The following AFF3 variants were observed in gnomAD, a reference collection of about 807,000 sequenced individuals.
AFF3 encodes AF4/FMR2 family member 3.
A neutral mutation model predicts 129.7 loss-of-function variants in AFF3; 32 were observed. The ratio of observed to expected loss-of-function variants is 0.25; its 90% CI spans 0.19 to 0.33. The LOEUF (loss-of-function observed/expected upper bound fraction) is 0.33, where lower values mean the gene tolerates loss of function less well. Among genes scored for constraint, AFF3 ranks in the 10% least tolerant of loss-of-function variants. AFF3 has a pLI of 1.00. For missense variants in AFF3, 1,373 were observed against 1,592.0 expected, an observed-to-expected ratio of 0.86 and a Z score of 2.34; for synonymous variants, 644 against 635.4, an observed-to-expected ratio of 1.01 and a Z score of -0.20.
chr2:100,105,719 C>T (rs1691244498), intron 2 of AFF3, 136 bp from the exon 3 acceptor site: 2 of 1,361,780 alleles, frequency 1.5e-6, no homozygotes, highest in South Asian at 1.2e-5. Flanking sequence ...GGCCCTACCT[C>T]TGCTTCTCCA....
intron 9 of AFF3, among the ~76,000 whole-genome samples, chr2:99,746,971 G>GA (rs936999180): frequency 5.1e-4 from 77 of 150,768 alleles, no homozygotes; most frequent in South Asian, 4.2e-4. Context: ...AAAAAGAAAG[G>GA]AAAAAAAGAA....
intron 8 of AFF3, among the ~76,000 whole-genome samples, chr2:99,784,376 T>G (rs1189736601): frequency 1.3e-5 from 2 of 152,188 alleles, no homozygotes; most frequent in South Asian, 4.1e-4. Context: ...GCCAAACCTC[T>G]GCAGGCTCTA....
At chr2:100,047,858 GAAAC>G (rs1685963130) in intron 4 of AFF3, among the ~76,000 whole-genome samples, 2 of 152,152 alleles carry the variant, frequency 1.3e-5, no homozygotes, top group Admixed American at 1.3e-4. Context: ...TTTATTTGCA[GAAAC>G]AAACACTGAT....
intron 11 of AFF3, among the ~76,000 whole-genome samples, chr2:99,707,949 C>T (rs763534567): frequency 1.8e-4 from 27 of 151,928 alleles, no homozygotes; most frequent in Admixed American, 5.2e-4. Context: ...ATTTAAAGTC[C>T]GGTTGGTGGA....
intron 7 of AFF3, among the ~76,000 whole-genome samples, chr2:99,978,908 A>C (rs573563019): frequency 6.6e-6 from 1 of 151,296 alleles, no homozygotes; most frequent in Admixed American, 6.6e-5. Flanking sequence ...TATTGTTTAC[A>C]CATCACACAT....
intron 4 of AFF3, among the ~76,000 whole-genome samples, chr2:100,049,889 C>G (rs17437338): frequency 0.1 from 15,279 of 152,168 alleles, 1,085 homozygotes; most frequent in Non-Finnish European, 0.14. Context: ...TGAATGTAAG[C>G]TTTCTAGCAT....
intron 11 of AFF3, among the ~76,000 whole-genome samples, chr2:99,699,807 A>G (rs1676663696): frequency 6.6e-6 from 1 of 152,228 alleles, no homozygotes; most frequent in Middle Eastern, 3.2e-3. Flanking sequence ...GTTCAGAACC[A>G]TAATGGTTTC....
At chr2:99,638,789 T>C (rs1683913827) in intron 13 of AFF3, among the ~76,000 whole-genome samples, 1 of 152,222 alleles carries the variant, frequency 6.6e-6, no homozygotes, top group Non-Finnish European at 1.5e-5. Flanking sequence ...TTTTTAATTC[T>C]GGAAACATAC....
chr2:100,029,209 G>T (rs1002995875), intron 4 of AFF3, among the ~76,000 whole-genome samples: 1 of 152,194 alleles, frequency 6.6e-6, no homozygotes, highest in African/African-American at 2.4e-5. Context: ...CCCTAAAGAG[G>T]TGTTTAAGTT....
At chr2:99,774,181 A>G (rs1015717820) in intron 8 of AFF3, among the ~76,000 whole-genome samples, 1 of 152,238 alleles carries the variant, frequency 6.6e-6, no homozygotes, top group African/African-American at 2.4e-5. Flanking sequence ...TATAGATTCA[A>G]TGCTATTCCC....
intron 11 of AFF3, among the ~76,000 whole-genome samples, chr2:99,695,938 G>GAAAAAAAAAAAAAAAAAAAAAACAAAAA (rs1676196316): frequency 3.5e-5 from 2 of 57,648 alleles, no homozygotes; most frequent in Admixed American, 2.7e-4. Flanking sequence ...CTGGAAAAAT[G>GAAAAAAAAAAAAAAAAAAAAAACAAAAA]AAAAAAAAAA....
intron 11 of AFF3, among the ~76,000 whole-genome samples, chr2:99,703,399 G>A (rs377185294): frequency 6.6e-6 from 1 of 152,154 alleles, no homozygotes. Context: ...TTTTCTAGAA[G>A]TTCGAATGCA....
At position 100,142,538 on chromosome 2, in the gene AFF3, C is replaced by G. The variant is rs1395450774; in HGVS notation, c.-282G>C. 1.3e-5 allele frequency: 2 copies of G among 152,416 alleles called. No individual in the cohort carries two copies. The highest frequency in any genetic ancestry group is 4.8e-5 in the African/African-American group (2 of 41,476). 9.4% of individuals were successfully genotyped at this position (152,416 alleles called of 1,614,324 possible). Reference sequence around the variant, plus strand: ...CCCCAGTAAGTCGTTGAACGTCTTTCTTCTGAGGCTGAGCGTGGAGCTCTC... The same window carrying G: ...CCCCAGTAAGTCGTTGAACGTCTTTGTTCTGAGGCTGAGCGTGGAGCTCTC... On this transcript the variant is annotated 5_prime_UTR_variant, in exon 1 of 25. Transcript: ENST00000672756.
At chr2:99,998,611 T>C (rs567928965) in intron 7 of AFF3, among the ~76,000 whole-genome samples, 4 of 152,296 alleles carry the variant, frequency 2.6e-5, no homozygotes, top group Admixed American at 6.5e-5. Context: ...GGGTCAACCG[T>C]TTAGTGTGTA....
In AFF3 at chr2:99,593,178, G is replaced by C; in HGVS notation, c.2466+17C>G. 2 of 1,548,248 alleles carry C rather than the reference G, an allele frequency of 1.3e-6. No homozygotes were observed. The highest frequency in any genetic ancestry group is 1.7e-6 in the Non-Finnish European group (2 of 1,145,462). Reference sequence around the variant, plus strand: ...TTCCCCTCCACGCCCCCGCACCCCAGTCAGCCCCAGGCCTACCTTGCGTTT... The same window carrying C: ...TTCCCCTCCACGCCCCCGCACCCCACTCAGCCCCAGGCCTACCTTGCGTTT... On this transcript the variant is annotated intron_variant, in intron 15 of 24. Transcript: ENST00000672756.
chr2:100,050,382 G>A (rs766340809), intron 4 of AFF3, among the ~76,000 whole-genome samples: 5 of 151,966 alleles, frequency 3.3e-5, no homozygotes, highest in Non-Finnish European at 5.9e-5. Context: ...GCAGTGGCAC[G>A]ATCATAGCTC....
At chr2:100,118,411 C>G (rs1447817413) in intron 2 of AFF3, among the ~76,000 whole-genome samples, 3 of 152,142 alleles carry the variant, frequency 2.0e-5, no homozygotes, top group Non-Finnish European at 4.4e-5. Flanking sequence ...CTTAAACTTT[C>G]TAATTACCAC....
intron 2 of AFF3, among the ~76,000 whole-genome samples, chr2:100,120,796 C>T (rs549954730): frequency 3.3e-5 from 5 of 151,968 alleles, no homozygotes; most frequent in African/African-American, 1.2e-4. Flanking sequence ...CCATAACTGG[C>T]TAATATTTCC....
At chr2:99,628,608 G>A (rs930329460) in intron 13 of AFF3, among the ~76,000 whole-genome samples, 7 of 151,308 alleles carry the variant, frequency 4.6e-5, no homozygotes, top group African/African-American at 1.7e-4. Flanking sequence ...CCATGCTGGA[G>A]TGCACTGGCG....
Sources: gnomAD v4.1 joint callset for allele counts (sites outside exome capture counted in the v4.1 genomes callset) on GRCh38, gnomAD v4.1.1 for gene constraint, MANE v1.5 for transcripts, NCBI Gene and HGNC (gene_info 2026-07-23, HGNC 2026-07-21) for gene names.